ZDHHC17: variants seen among roughly 807,000 people sequenced by gnomAD.
The protein encoded by ZDHHC17 is palmitoyltransferase ZDHHC17.
ZDHHC17 carries 40 observed loss-of-function variants against 90.3 expected under a neutral mutation model. That is an observed-to-expected ratio of 0.44 (90% CI 0.34 to 0.58). The LOEUF (loss-of-function observed/expected upper bound fraction) is 0.58. Among genes scored for constraint, ZDHHC17 ranks in the 20% least tolerant of loss-of-function variants. The pLI is 0.01. For missense variants in ZDHHC17, 614 were observed against 780.8 expected (o/e 0.79, Z 2.55); for synonymous variants, 235 against 252.4 (o/e 0.93, Z 0.65).
Position 76,827,363 on chromosome 12 carries a change from A to G in ZDHHC17, c.1040+313A>G, listed in dbSNP as rs193183781. On this transcript the variant is annotated intron_variant, in intron 9 of 16. Coordinates refer to ENST00000426126, the MANE Select transcript of ZDHHC17 (RefSeq NM_015336.4). Reference sequence around the variant, plus strand: ...CATACATATTGTTAATTTCCAGGTAATTACAATACTTGAGCTCGCCTTTCT... The same window carrying G: ...CATACATATTGTTAATTTCCAGGTAGTTACAATACTTGAGCTCGCCTTTCT... Among the ~76,000 whole-genome samples, 64 of 152,272 alleles carry G rather than the reference A, an allele frequency of 4.2e-4. 1 individual carries two copies. The East Asian group carries it at 0.011, about 27-fold the overall frequency.
chr12:76,828,781 T>G (rs1953261268), intron 10 of ZDHHC17, among the ~76,000 whole-genome samples: 1 of 152,162 alleles, frequency 6.6e-6, no homozygotes, highest in South Asian at 2.1e-4. Context: ...AGTATTGTTA[T>G]CCCCCTTTTC....
At chr12:76,820,440 G>A (rs1310083600) in intron 7 of ZDHHC17, among the ~76,000 whole-genome samples, 1 of 152,026 alleles carries the variant, frequency 6.6e-6, no homozygotes, top group Non-Finnish European at 1.5e-5. Flanking sequence ...TATGTTTTTG[G>A]TTATACTGAT....
intron 3 of ZDHHC17, among the ~76,000 whole-genome samples, chr12:76,808,499 T>C (rs1248870744): frequency 1.3e-5 from 2 of 152,098 alleles, no homozygotes; most frequent in African/African-American, 4.8e-5. Flanking sequence ...AAAAAGATAT[T>C]ATGATGTTAA....
chr12:76,825,089 A>G (rs979673474), intron 8 of ZDHHC17, among the ~76,000 whole-genome samples: 1 of 152,150 alleles, frequency 6.6e-6, no homozygotes, highest in Non-Finnish European at 1.5e-5. Context: ...ATAAAAGGGC[A>G]ATATGAGGAA....
chr12:76,830,463 TATTGAA>T (rs1953286555), intron 10 of ZDHHC17, among the ~76,000 whole-genome samples: 1 of 127,266 alleles, frequency 7.9e-6, no homozygotes, highest in Admixed American at 9.1e-5. Context: ...TTTAAGTATC[TATTGAA>T]ATTCTTCCAT....
At chr12:76,780,635 C>T (rs1398507509) in intron 1 of ZDHHC17, among the ~76,000 whole-genome samples, 4 of 152,202 alleles carry the variant, frequency 2.6e-5, no homozygotes, top group African/African-American at 9.6e-5. Context: ...TGCAGCCTAA[C>T]ATGTGCCCCA....
At chr12:76,812,595 T>C (rs1953038227) in intron 5 of ZDHHC17, among the ~76,000 whole-genome samples, 1 of 152,148 alleles carries the variant, frequency 6.6e-6, no homozygotes, top group South Asian at 2.1e-4. Flanking sequence ...TTCTGATAAA[T>C]TTTTACTACA....
At chr12:76,834,460 GT>G in intron 10 of ZDHHC17, among the ~76,000 whole-genome samples, 1 of 152,240 alleles carries the variant, frequency 6.6e-6, no homozygotes, top group Non-Finnish European at 1.5e-5. Context: ...AATCAAGAAT[GT>G]GCAGAATTAG....
At position 76,848,176 on chromosome 12, in the gene ZDHHC17, A is replaced by G. The variant is rs1392225788; in HGVS notation, c.1508-57A>G. On this transcript the variant is annotated intron_variant, in intron 14 of 16. Transcript: ENST00000426126. ...CTAAATGGTGCCAGCACAAATGCCT[A>G]TATGAGGTGCTTGGATGATTATTGA... The G allele has an allele frequency of 9.4e-6, 15 of 1,587,428 alleles. No individual in the cohort carries two copies. In the Admixed American group the frequency reaches 1.2e-4, roughly 13 times the overall value.
chr12:76,816,266 C>T (rs987708593), intron 7 of ZDHHC17, among the ~76,000 whole-genome samples: 5 of 151,748 alleles, frequency 3.3e-5, no homozygotes, highest in African/African-American at 4.8e-5. Context: ...AGGAGGACCC[C>T]CACCCCACCA....
intron 16 of ZDHHC17, 49 bp downstream of exon 16, chr12:76,849,519 TCTTA>T: frequency 8.0e-7 from 1 of 1,250,372 alleles, no homozygotes; most frequent in Non-Finnish European, 1.1e-6. Context: ...ATAAAAATTT[TCTTA>T]CTAACCAGAC....
rs1952705562 is a variant in ZDHHC17, at chr12:76,787,646, CTT to C, written c.94-9787_94-9786del. Among the ~76,000 whole-genome samples the C allele has an allele frequency of 5.3e-5, 8 of 150,160 alleles. No homozygotes were observed. The South Asian group carries it at 1.5e-3, about 28-fold the overall frequency. ...TCTCTCTCTCTCTCTCTCTCTGTCT[CTT>C]GTGTGTGTGTGCGCGCGCAGGAGAG... On this transcript the variant is annotated intron_variant, in intron 1 of 16. Coordinates refer to ENST00000426126, the MANE Select transcript of ZDHHC17 (RefSeq NM_015336.4).
rs773143282 is a variant in ZDHHC17, at chr12:76,809,021, T to G, written c.321-22T>G. The G allele has an allele frequency of 1.8e-5, 25 of 1,396,720 alleles. No individual in the cohort carries two copies. The East Asian group carries it at 6.9e-4, about 39-fold the overall frequency. 86.5% of individuals were successfully genotyped at this position (1,396,720 alleles called of 1,614,324 possible). ...AATTGAAAATGAAAGTTATTTAAATTATTATAAATTTTGTCTTATAGATAC... is the reference window on the plus strand; with the variant it reads ...AATTGAAAATGAAAGTTATTTAAATGATTATAAATTTTGTCTTATAGATAC... On this transcript the variant is annotated intron_variant, in intron 3 of 16. Coordinates refer to ENST00000426126, the MANE Select transcript of ZDHHC17 (RefSeq NM_015336.4).
intron 1 of ZDHHC17, among the ~76,000 whole-genome samples, chr12:76,786,233 G>C (rs1449728864): frequency 6.6e-6 from 1 of 151,736 alleles, no homozygotes; most frequent in South Asian, 2.1e-4. Context: ...CTCCTGAGTT[G>C]CTGGGATTAC....
intron 1 of ZDHHC17, among the ~76,000 whole-genome samples, chr12:76,795,783 A>T (rs557123590): frequency 1.3e-5 from 2 of 152,292 alleles, no homozygotes; most frequent in African/African-American, 4.8e-5. Context: ...AAACCTACTC[A>T]AGCTACTCTA....
intron 1 of ZDHHC17, among the ~76,000 whole-genome samples, chr12:76,765,485 G>A (rs1455681748): frequency 1.3e-5 from 2 of 152,192 alleles, no homozygotes; most frequent in African/African-American, 2.4e-5. Flanking sequence ...CTGATAAACA[G>A]AACTATACAG....
chr12:76,812,942 T>C (rs1378052254), intron 5 of ZDHHC17, among the ~76,000 whole-genome samples: 2 of 152,126 alleles, frequency 1.3e-5, no homozygotes, highest in African/African-American at 4.8e-5. Context: ...TTGTTAATTC[T>C]TCCTAATAGA....
intron 2 of ZDHHC17, among the ~76,000 whole-genome samples, chr12:76,804,333 C>A (rs781173224): frequency 6.6e-6 from 1 of 152,130 alleles, no homozygotes; most frequent in Non-Finnish European, 1.5e-5. Context: ...TATTAAAAAC[C>A]AAATTAGACT....
intron 4 of ZDHHC17, among the ~76,000 whole-genome samples, chr12:76,809,392 T>A (rs1952994128): frequency 6.6e-6 from 1 of 152,102 alleles, no homozygotes; most frequent in South Asian, 2.1e-4. Context: ...TTGCAGCCTG[T>A]ATATATTTAC....
Sources: gnomAD v4.1 joint callset for allele counts (sites outside exome capture counted in the v4.1 genomes callset) on GRCh38, gnomAD v4.1.1 for gene constraint, MANE v1.5 for transcripts, NCBI Gene and HGNC (gene_info 2026-07-23, HGNC 2026-07-21) for gene names.